The following RB1CC1 variants were observed in gnomAD, a reference collection of about 807,000 sequenced individuals.
RB1CC1 encodes RB1-inducible coiled-coil protein 1.
A neutral mutation model predicts 177.5 loss-of-function variants in RB1CC1; 46 were observed. That is an observed-to-expected ratio of 0.26 (90% CI 0.20 to 0.33). The LOEUF is 0.33. Among genes scored for constraint, RB1CC1 ranks in the 10% least tolerant of loss-of-function variants. The pLI is 1.00. For synonymous variants in RB1CC1, 666 were observed against 613.6 expected, an observed-to-expected ratio of 1.09 and a Z score of -1.26; for missense variants, 1,703 against 1,816.3, an observed-to-expected ratio of 0.94 and a Z score of 1.13.
intron 3 of RB1CC1, 125 bp downstream of exon 3, chr8:52,685,274 G>C (rs1854168070): frequency 1.5e-6 from 1 of 661,688 alleles, no homozygotes; most frequent in Non-Finnish European, 2.6e-6. Flanking sequence ...AAAGTGCTGG[G>C]ATTACAGGCG....
intron 7 of RB1CC1, 65 bp downstream of exon 7, chr8:52,673,780 A>G: frequency 7.2e-6 from 10 of 1,389,116 alleles, no homozygotes; most frequent in Non-Finnish European, 7.7e-6. Context: ...AGTACATAAA[A>G]TATTTAGGAT....
chr8:52,656,757 T>A lies in RB1CC1; in HGVS notation c.3072A>T (p.Ile1024=). ...LEELKKENQQ[I]INQIQESHAE... Reference sequence around the variant, plus strand: ...CATGAGATTCTTGTATTTGATTAATTATTTGTTGGTTTTCCTTTTTTAATT... The same window carrying A: ...CATGAGATTCTTGTATTTGATTAATAATTTGTTGGTTTTCCTTTTTTAATT... Residue 1024 remains isoleucine (I), a synonymous_variant, in exon 15 of 24, where the codon ATA becomes ATT. Coordinates refer to ENST00000025008, the MANE Select transcript of RB1CC1 (RefSeq NM_014781.5). The A allele has an allele frequency of 6.2e-7, 1 of 1,613,882 alleles. No homozygotes were observed. The highest frequency in any genetic ancestry group is 8.5e-7 in the Non-Finnish European group (1 of 1,179,924).
At chr8:52,635,347 C>A (rs1048237867) in intron 19 of RB1CC1, among the ~76,000 whole-genome samples, 18 of 152,254 alleles carry the variant, frequency 1.2e-4, no homozygotes, top group Admixed American at 3.3e-4. Context: ...AATCACATAA[C>A]CCTTTCATAA....
intron 7 of RB1CC1, 55 bp downstream of exon 7, chr8:52,673,790 T>A: frequency 4.9e-6 from 7 of 1,429,512 alleles, no homozygotes; most frequent in Non-Finnish European, 6.6e-6. Context: ...ATATTTAGGA[T>A]AAATAATATA....
Position 52,657,293 on chromosome 8 carries a change from T to G in RB1CC1, c.2536A>C (p.Asn846His), listed in dbSNP as rs752737052. Residue 846 changes from asparagine to histidine, a missense_variant, in exon 15 of 24, where the codon AAC becomes CAC. Asn to His is a moderately conservative substitution (Grantham distance 68). Coordinates refer to ENST00000025008, the MANE Select transcript of RB1CC1 (RefSeq NM_014781.5). ...SLKCTAVEIR[N>H]IIEKVKCSLE... is the part of the protein sequence containing the mutation. The stretch of plus-strand genomic sequence containing the variant: ...GAACATTTTACTTTTTCAATAATGT[T>G]TCTTATTTCTACTGCTGTACATTTT... The G allele has an allele frequency of 1.4e-5, 22 of 1,608,120 alleles. No homozygotes were observed. The Admixed American group carries it at 3.3e-4, about 24-fold the overall frequency.
At chr8:52,712,580 T>C (rs1016916898) in intron 1 of RB1CC1, among the ~76,000 whole-genome samples, 2 of 151,244 alleles carry the variant, frequency 1.3e-5, no homozygotes, top group African/African-American at 4.9e-5. Flanking sequence ...TATAAAGGAT[T>C]AGGTACATAA....
chr8:52,690,843 GCT>G (rs1462883892), intron 1 of RB1CC1, among the ~76,000 whole-genome samples: 1 of 152,080 alleles, frequency 6.6e-6, no homozygotes, highest in Non-Finnish European at 1.5e-5. Context: ...CTCCATACAT[GCT>G]CTCTCTCCAC....
chr8:52,687,709 T>C (rs774752275), intron 1 of RB1CC1, among the ~76,000 whole-genome samples: 14 of 152,140 alleles, frequency 9.2e-5, no homozygotes, highest in Non-Finnish European at 1.8e-4. Flanking sequence ...CCTTTCCTAG[T>C]TGAGCCTCAG....
intron 18 of RB1CC1, among the ~76,000 whole-genome samples, chr8:52,637,018 G>A (rs1037090794): frequency 6.6e-6 from 1 of 150,544 alleles, no homozygotes; most frequent in Non-Finnish European, 1.5e-5. Flanking sequence ...CAAACAGTGT[G>A]AGACTTTGTT....
chr8:52,653,436 G>A (rs888229648), intron 15 of RB1CC1, among the ~76,000 whole-genome samples: 1 of 152,240 alleles, frequency 6.6e-6, no homozygotes, highest in Middle Eastern at 3.4e-3. Flanking sequence ...GTGGTTGTCC[G>A]TAGGCCCTAA....
chr8:52,672,958 T>C (rs1298465183), intron 7 of RB1CC1, among the ~76,000 whole-genome samples: 12 of 152,202 alleles, frequency 7.9e-5, no homozygotes, highest in African/African-American at 2.7e-4. Flanking sequence ...ATGCTTAGCC[T>C]ACAGAATGTC....
intron 1 of RB1CC1, among the ~76,000 whole-genome samples, chr8:52,695,501 G>A (rs1038362204): frequency 6.6e-6 from 1 of 152,184 alleles, no homozygotes; most frequent in Non-Finnish European, 1.5e-5. Context: ...TCATGTATCA[G>A]TTAAGTTCTG....
Position 52,701,468 on chromosome 8 carries a change from T to C in RB1CC1, c.-167+12607A>G, listed in dbSNP as rs146685933. On this transcript the variant is annotated intron_variant, in intron 1 of 23. Transcript: ENST00000025008. ...AACAGCAGTAAATGGAAAAAGGAGT[T>C]TGATTACTGCTTTGCCTGAACACTC... Among the ~76,000 whole-genome samples, 161 of 152,194 alleles carry C rather than the reference T, an allele frequency of 1.1e-3. 2 individuals are homozygous for C. The highest frequency in any genetic ancestry group is 3.7e-3 in the African/African-American group (155 of 41,520).
intron 1 of RB1CC1, among the ~76,000 whole-genome samples, chr8:52,697,910 C>T (rs1181195177): frequency 6.6e-6 from 1 of 152,152 alleles, no homozygotes; most frequent in Non-Finnish European, 1.5e-5. Context: ...AAGCCAATAA[C>T]TGTACCATGA....
At chr8:52,651,427 CA>C (rs1850574005) in intron 15 of RB1CC1, among the ~76,000 whole-genome samples, 1 of 152,192 alleles carries the variant, frequency 6.6e-6, no homozygotes, top group African/African-American at 2.4e-5. Context: ...ATTTGGCCCA[CA>C]AAACTTAAAC....
At position 52,714,422 on chromosome 8, in the gene RB1CC1, T is replaced by C. The variant is rs1175033761; in HGVS notation, c.-514A>G. 6.6e-6 allele frequency: 1 copy of C among 152,418 alleles called. No individual in the cohort carries two copies. The highest frequency in any genetic ancestry group is 2.0e-4 in the East Asian group (1 of 5,114). The allele number at this position is 152,418 out of a possible 1,614,324, so 9.4% of individuals were successfully genotyped here. On this transcript the variant is annotated 5_prime_UTR_variant, in exon 1 of 24. Transcript: ENST00000025008. ...GCGGACACCGCCGCGGCTTGGTTTG[T>C]TATTGTCGACTCCGTCTCTTCCTCC...
intron 3 of RB1CC1, among the ~76,000 whole-genome samples, chr8:52,684,513 G>A (rs930224355): frequency 3.9e-5 from 6 of 152,084 alleles, no homozygotes; most frequent in Admixed American, 3.9e-4. Context: ...TGCTATTATG[G>A]TCACTATAAA....
intron 20 of RB1CC1, among the ~76,000 whole-genome samples, chr8:52,634,393 C>T (rs900606870): frequency 1.3e-5 from 2 of 151,846 alleles, no homozygotes; most frequent in Admixed American, 1.3e-4. Context: ...TGTGACGGCG[C>T]AGCACACTTG....
At chr8:52,687,117 C>T (rs1387619398) in intron 1 of RB1CC1, 150 bp from the exon 2 acceptor site, 4 of 342,664 alleles carry the variant, frequency 1.2e-5, no homozygotes, top group Non-Finnish European at 2.3e-5. Flanking sequence ...ATAACAACCA[C>T]ATGACTTCAA....
Sources: allele counts gnomAD v4.1 joint callset (sites outside exome capture counted in the v4.1 genomes callset), GRCh38; gene constraint gnomAD v4.1.1; transcripts MANE v1.5; gene names NCBI Gene and HGNC (gene_info 2026-07-23, HGNC 2026-07-21).